Variants in RICTOR observed in about 807,000 individuals in gnomAD.
RICTOR encodes the protein rapamycin-insensitive companion of mTOR.
Under a neutral mutation model 214.9 loss-of-function variants are expected in RICTOR, and 49 were observed. That is an observed-to-expected ratio of 0.23 (90% confidence interval 0.18 to 0.29). RICTOR has a LOEUF of 0.29. RICTOR is among the 10% of genes least tolerant of loss of function. The pLI, the probability that RICTOR is intolerant of heterozygous loss-of-function variation, is 1.00. For synonymous variants in RICTOR, 717 were observed against 711.3 expected (o/e 1.01, Z -0.13); for missense variants, 1,625 against 2,047.0 (o/e 0.79, Z 3.98).
intron 3 of RICTOR, among the ~76,000 whole-genome samples, chr5:39,007,963 T>C (rs13155738): frequency 0.16 from 24,144 of 151,124 alleles, 2,440 homozygotes; most frequent in Admixed American, 0.24. Context: ...CTTTTGGAGA[T>C]TTATGTATTT....
At chr5:39,036,543 C>T (rs552151219) in intron 2 of RICTOR, among the ~76,000 whole-genome samples, 1 of 152,092 alleles carries the variant, frequency 6.6e-6, no homozygotes. Flanking sequence ...AGTATCAAGA[C>T]CCATCAGTGT....
At position 38,958,655 on chromosome 5, in the gene RICTOR, A is replaced by T. The variant is rs1428756426; in HGVS notation, c.2343+12T>A. ...AAATTTAAGTATTAAATTATAAAAA[A>T]TGAACCTTTACCTTGTCTTCACATG... On this transcript the variant is annotated intron_variant, in intron 23 of 37. Coordinates refer to ENST00000357387, the MANE Select transcript of RICTOR (RefSeq NM_152756.5). 5.7e-6 allele frequency: 9 copies of T among 1,577,572 alleles called. No individual in the cohort carries two copies. Among genetic ancestry groups the T allele is most frequent in the Non-Finnish European group, 7.7e-6 (9 of 1,164,790 alleles).
intron 31 of RICTOR, among the ~76,000 whole-genome samples, chr5:38,948,047 T>C (rs918244330): frequency 3.9e-5 from 6 of 152,132 alleles, no homozygotes; most frequent in Non-Finnish European, 7.4e-5. Context: ...TACTCCTTAC[T>C]ACTAGAGATT....
intron 2 of RICTOR, among the ~76,000 whole-genome samples, chr5:39,050,153 A>G (rs1373746569): frequency 6.6e-6 from 1 of 151,356 alleles, no homozygotes; most frequent in Non-Finnish European, 1.5e-5. Flanking sequence ...ATCTAGATGA[A>G]CAACTTGCTT....
chr5:39,026,156 T>G (rs1204750643), intron 2 of RICTOR, among the ~76,000 whole-genome samples: 1 of 152,094 alleles, frequency 6.6e-6, no homozygotes, highest in Admixed American at 6.6e-5. Context: ...GCCTTAAAGT[T>G]TAGAAAACCA....
In RICTOR at chr5:39,046,304, C is replaced by A. The variant is rs570266362; in HGVS notation, c.98-25168G>T. ...ACTTGAGCCCAGGTGATTGAAGCTA[C>A]AGTGAACTATGATGGTGCCACTGCA... On this transcript the variant is annotated intron_variant, in intron 2 of 37. Transcript: ENST00000357387. Among the ~76,000 whole-genome samples the A allele has an allele frequency of 1.0e-3, 153 of 150,666 alleles. 1 individual carries two copies. Among genetic ancestry groups the A allele is most frequent in the Middle Eastern group, 6.9e-3 (2 of 288 alleles).
intron 2 of RICTOR, among the ~76,000 whole-genome samples, chr5:39,028,805 G>A (rs919982400): frequency 6.6e-6 from 1 of 152,156 alleles, no homozygotes; most frequent in African/African-American, 2.4e-5. Context: ...GGCTGAGGCA[G>A]GAGGATCCCT....
intron 4 of RICTOR, among the ~76,000 whole-genome samples, chr5:39,002,925 C>T (rs566744819): frequency 3.3e-5 from 5 of 152,090 alleles, no homozygotes; most frequent in African/African-American, 1.2e-4. Flanking sequence ...ACCTTCTGTA[C>T]TTTATTTTAT....
intron 25 of RICTOR, among the ~76,000 whole-genome samples, chr5:38,957,045 G>C (rs1033698120): frequency 2.0e-5 from 3 of 152,006 alleles, no homozygotes; most frequent in Non-Finnish European, 4.4e-5. Context: ...TTTGACCATG[G>C]GTTTCCAAGA....
intron 7 of RICTOR, among the ~76,000 whole-genome samples, chr5:38,986,646 A>G (rs1752194875): frequency 6.6e-6 from 1 of 152,204 alleles, no homozygotes; most frequent in Non-Finnish European, 1.5e-5. Context: ...AATGTTATAT[A>G]TCCAATCACA....
chr5:38,960,480 T>A lies in RICTOR; in HGVS notation c.1769A>T (p.Asn590Ile). 1 of 1,613,864 alleles carries A rather than the reference T, an allele frequency of 6.2e-7. No individual in the cohort carries two copies. Among genetic ancestry groups the A allele is most frequent in the Non-Finnish European group, 8.5e-7 (1 of 1,179,782 alleles). Residue 590 changes from asparagine to isoleucine, a missense_variant, in exon 20 of 38, where the codon AAC becomes ATC. By Grantham distance (149) the Asn-to-Ile change is moderately radical. Coordinates refer to ENST00000357387, the MANE Select transcript of RICTOR (RefSeq NM_152756.5). ...GGCCTTGGCAAAATCCAGATCCAGG[T>A]TGGCATATAATTTACTGCTGGGCTT... ...FYKPSSKLYA[N>I]LDLDFAKAKQ...
At chr5:38,992,810 C>T (rs1007692691) in intron 6 of RICTOR, among the ~76,000 whole-genome samples, 11 of 152,134 alleles carry the variant, frequency 7.2e-5, no homozygotes, top group Admixed American at 3.9e-4. Flanking sequence ...AATGCAGTCA[C>T]TGTTAAAACT....
Position 38,945,042 on chromosome 5 carries a change from A to T in RICTOR, c.4660T>A (p.Trp1554Arg). Residue 1554 changes from tryptophan (W) to arginine (R), a missense_variant, in exon 35 of 38, where the codon TGG becomes AGG. Coordinates refer to ENST00000357387, the MANE Select transcript of RICTOR (RefSeq NM_152756.5). ...GGATTATGGATAGTCTGCTCACACCAATCAGAATATGGAATATCTTGAAAG... is the reference window on the plus strand; with the variant it reads ...GGATTATGGATAGTCTGCTCACACCTATCAGAATATGGAATATCTTGAAAG... ...SDFQDIPYSD[W>R]CEQTIHNPLE... is the part of the protein sequence containing the mutation. The T allele has an allele frequency of 6.2e-7, 1 of 1,608,800 alleles. No homozygotes were observed. The highest frequency in any genetic ancestry group is 8.5e-7 in the Non-Finnish European group (1 of 1,176,864).
intron 2 of RICTOR, among the ~76,000 whole-genome samples, chr5:39,053,748 C>T (rs71588479): frequency 0.16 from 24,569 of 149,788 alleles, 2,692 homozygotes; most frequent in Admixed American, 0.24. Flanking sequence ...AAAAATTAGC[C>T]GGGCGAGGTG....
At chr5:39,011,469 A>C (rs1754515587) in intron 3 of RICTOR, among the ~76,000 whole-genome samples, 1 of 152,140 alleles carries the variant, frequency 6.6e-6, no homozygotes, top group African/African-American at 2.4e-5. Flanking sequence ...GAGCTGTGAG[A>C]AGAGGGCCAC....
At chr5:38,985,089 G>A (rs1399619381) in intron 7 of RICTOR, among the ~76,000 whole-genome samples, 5 of 152,082 alleles carry the variant, frequency 3.3e-5, no homozygotes, top group Non-Finnish European at 7.4e-5. Context: ...GGGATTACAG[G>A]CGTGAGCCAC....
chr5:39,030,564 A>G (rs907779572), intron 2 of RICTOR, among the ~76,000 whole-genome samples: 2 of 152,040 alleles, frequency 1.3e-5, no homozygotes, highest in African/African-American at 4.8e-5. Flanking sequence ...AATTTCTAAT[A>G]TTTTCACTCT....
At chr5:38,982,551 C>A (rs10052478) in intron 7 of RICTOR, among the ~76,000 whole-genome samples, 1 of 152,042 alleles carries the variant, frequency 6.6e-6, no homozygotes, top group African/African-American at 2.4e-5. Context: ...AGTTACACTT[C>A]GGTTTTCAAT....
chr5:39,024,663 C>T (rs1044047365), intron 2 of RICTOR, among the ~76,000 whole-genome samples: 1 of 152,154 alleles, frequency 6.6e-6, no homozygotes, highest in African/African-American at 2.4e-5. Flanking sequence ...TTATCATTAG[C>T]TTGTCAGGCA....
Sources: allele counts gnomAD v4.1 joint callset (sites outside exome capture counted in the v4.1 genomes callset), GRCh38; gene constraint gnomAD v4.1.1; transcripts MANE v1.5; gene names NCBI Gene and HGNC (gene_info 2026-07-23, HGNC 2026-07-21).